WWTR1: variants seen among roughly 807,000 people sequenced by gnomAD.
The protein encoded by WWTR1 is WW domain-containing transcription regulator protein 1.
Under a neutral mutation model 40.1 loss-of-function variants are expected in WWTR1, and 13 were observed. The ratio of observed to expected loss-of-function variants is 0.32; its 90% CI spans 0.21 to 0.52. The LOEUF (loss-of-function observed/expected upper bound fraction) is 0.52, where lower values mean the gene tolerates loss of function less well. Ranked by LOEUF, WWTR1 falls within the 20% of genes least tolerant of loss-of-function variation. The pLI is 0.97. For missense variants in WWTR1, 436 were observed against 523.1 expected, an observed-to-expected ratio of 0.83 and a Z score of 1.63; for synonymous variants, 230 against 210.1, an observed-to-expected ratio of 1.09 and a Z score of -0.82.
rs568871044 is a variant in WWTR1 at position 149,558,983 on chromosome 3, C to G, written c.568+13881G>C. ...ATGTTAAATTTCCTGATTTTGATAC[C>G]TACACTGTGCTTATATAAGAAAATG... On this transcript the variant is annotated intron_variant, in intron 3 of 6. Transcript: ENST00000360632. 2.0e-5 allele frequency among the ~76,000 whole-genome samples: 3 copies of G among 152,094 alleles called. No individual in the cohort carries two copies. The South Asian group carries it at 6.2e-4, about 32-fold the overall frequency.
intron 2 of WWTR1, among the ~76,000 whole-genome samples, chr3:149,628,412 G>A (rs536551883): frequency 6.6e-6 from 1 of 152,172 alleles, no homozygotes; most frequent in Non-Finnish European, 1.5e-5. Flanking sequence ...GCCAGTTTGG[G>A]GCACTTTGTG....
At chr3:149,542,215 CT>C in intron 4 of WWTR1, 119 bp downstream of exon 4, 1 of 1,183,176 alleles carries the variant, frequency 8.5e-7, no homozygotes, top group Non-Finnish European at 1.2e-6. Flanking sequence ...TGGAGTAGGG[CT>C]TTGAGCCCTA....
chr3:149,608,236 T>G (rs1195222869), intron 2 of WWTR1, among the ~76,000 whole-genome samples: 1 of 152,116 alleles, frequency 6.6e-6, no homozygotes, highest in Non-Finnish European at 1.5e-5. Flanking sequence ...GAAAAAAAAT[T>G]TATTTAGAAT....
chr3:149,712,255 C>T (rs1350405383), intron 5 of WWTR1, among the ~76,000 whole-genome samples: 1 of 152,120 alleles, frequency 6.6e-6, no homozygotes, highest in East Asian at 1.9e-4. Flanking sequence ...CTGTGAATAG[C>T]CACTGTACTC....
chr3:149,602,675 T>A (rs1739293277), intron 2 of WWTR1, among the ~76,000 whole-genome samples: 2 of 152,046 alleles, frequency 1.3e-5, no homozygotes, highest in Admixed American at 6.6e-5. Flanking sequence ...CCCCCCCAAC[T>A]TTTTTTTGAG....
intron 6 of WWTR1, among the ~76,000 whole-genome samples, chr3:149,523,946 A>G (rs1376028599): frequency 6.6e-6 from 1 of 152,192 alleles, no homozygotes; most frequent in African/African-American, 2.4e-5. Flanking sequence ...ACACTCAATG[A>G]GCTGATTCTC....
chr3:149,544,452 C>T (rs959038505), intron 3 of WWTR1, among the ~76,000 whole-genome samples: 6 of 152,150 alleles, frequency 3.9e-5, no homozygotes, highest in East Asian at 1.9e-4. Context: ...TGAGAACTAA[C>T]GGACTGGTGG....
chr3:149,559,293 C>CAAAAAAAAAAAAAAAAAAA (rs57470539), intron 3 of WWTR1, among the ~76,000 whole-genome samples: 2 of 58,098 alleles, frequency 3.4e-5, no homozygotes, highest in African/African-American at 6.6e-5. Context: ...GACTCCATCT[C>CAAAAAAAAAAAAAAAAAAA]AAAAAAAAAA....
chr3:149,579,551 C>G (rs886224232), intron 2 of WWTR1, among the ~76,000 whole-genome samples: 1 of 152,078 alleles, frequency 6.6e-6, no homozygotes, highest in East Asian at 1.9e-4. Flanking sequence ...GTGGCTCACA[C>G]CTGTAATCTT....
intron 4 of WWTR1, among the ~76,000 whole-genome samples, chr3:149,718,755 T>C (rs901680340): frequency 1.3e-5 from 2 of 152,230 alleles, no homozygotes; most frequent in African/African-American, 4.8e-5. Context: ...GACTGGCTTA[T>C]TTCACTTAGC....
At chr3:149,707,912 G>A (rs1715371442), upstream of WWTR1, among the ~76,000 whole-genome samples, 1 of 149,698 alleles carries the variant, frequency 6.7e-6, no homozygotes, top group Non-Finnish European at 1.5e-5. Context: ...ATACCAATTG[G>A]TATGGCCAAC....
At chr3:149,714,239 AC>A (rs1055967453) in intron 5 of WWTR1, among the ~76,000 whole-genome samples, 1 of 151,994 alleles carries the variant, frequency 6.6e-6, no homozygotes, top group Non-Finnish European at 1.5e-5. Context: ...GTGGACATGG[AC>A]CCCTGCCTCC....
intron 2 of WWTR1, among the ~76,000 whole-genome samples, chr3:149,605,472 T>C (rs1739443524): frequency 6.6e-6 from 1 of 152,038 alleles, no homozygotes; most frequent in Non-Finnish European, 1.5e-5. Context: ...GAAGAAATAA[T>C]GGGTGAGGCA....
In WWTR1 at chr3:149,554,443, C is replaced by A. The variant is rs552406476; in HGVS notation, c.569-11906G>T. 2.0e-5 allele frequency among the ~76,000 whole-genome samples: 3 copies of A among 152,306 alleles called. No individual in the cohort carries two copies. The South Asian group carries it at 6.2e-4, about 32-fold the overall frequency. ...AATGATTTTCCTACTTGCTATCCTGCCTGCCCATCCAAACAATAATGTAGT... is the reference window on the plus strand; with the variant it reads ...AATGATTTTCCTACTTGCTATCCTGACTGCCCATCCAAACAATAATGTAGT... On this transcript the variant is annotated intron_variant, in intron 3 of 6. Transcript: ENST00000360632.
At chr3:149,643,152 T>G (rs1712283041) in intron 2 of WWTR1, among the ~76,000 whole-genome samples, 1 of 152,208 alleles carries the variant, frequency 6.6e-6, no homozygotes. Flanking sequence ...AAGGGCAAAC[T>G]GGCCTGGCGA....
At chr3:149,615,508 A>T (rs1739930625) in intron 2 of WWTR1, among the ~76,000 whole-genome samples, 1 of 152,238 alleles carries the variant, frequency 6.6e-6, no homozygotes, top group Admixed American at 6.5e-5. Context: ...CTGTTCTCTT[A>T]TGGATATTTG....
intron 3 of WWTR1, among the ~76,000 whole-genome samples, chr3:149,566,233 G>A (rs1359778142): frequency 6.6e-6 from 1 of 151,884 alleles, no homozygotes; most frequent in African/African-American, 2.4e-5. Context: ...TTTTAATCAA[G>A]AAAATCATTT....
At chr3:149,694,174 A>T (rs1197965262) in intron 1 of WWTR1, among the ~76,000 whole-genome samples, 2 of 152,214 alleles carry the variant, frequency 1.3e-5, no homozygotes, top group African/African-American at 2.4e-5. Flanking sequence ...CAGGTGGATC[A>T]CGAGGTCAGG....
intron 4 of WWTR1, among the ~76,000 whole-genome samples, chr3:149,534,798 G>A (rs888414224): frequency 2.0e-5 from 3 of 152,194 alleles, no homozygotes; most frequent in African/African-American, 7.2e-5. Context: ...GCTCTCTGAA[G>A]TGAGTAATTA....
Sources: allele counts gnomAD v4.1 joint callset (sites outside exome capture counted in the v4.1 genomes callset), GRCh38; gene constraint gnomAD v4.1.1; transcripts MANE v1.5; gene names NCBI Gene and HGNC (gene_info 2026-07-23, HGNC 2026-07-21).